MAPK6: variants seen among roughly 807,000 people sequenced by gnomAD.
MAPK6 encodes ERK-3.
Under a neutral mutation model 59.3 loss-of-function variants are expected in MAPK6, and 19 were observed. The observed-to-expected ratio is 0.32, with a 90% confidence interval of 0.22 to 0.47. MAPK6 has a LOEUF of 0.47. Ranked by LOEUF, MAPK6 falls within the 20% of genes least tolerant of loss-of-function variation. The pLI is 1.00. For missense variants in MAPK6, 724 were observed against 847.9 expected (o/e 0.85, Z 1.81); for synonymous variants, 316 against 290.3 (o/e 1.09, Z -0.90).
At chr15:51,992,290 T>G (rs1365065037) in intron 2 of MAPK6, among the ~76,000 whole-genome samples, 1 of 88,994 alleles carries the variant, frequency 1.1e-5, no homozygotes, top group Non-Finnish European at 2.2e-5. Flanking sequence ...TATCTATCTA[T>G]CTATATATAT....
intron 3 of MAPK6, among the ~76,000 whole-genome samples, chr15:52,009,820 T>C (rs1263852565): frequency 2.0e-5 from 3 of 152,188 alleles, no homozygotes; most frequent in African/African-American, 7.2e-5. Flanking sequence ...TCGCCCAGGC[T>C]AGAGTGCAGT....
chr15:52,027,027 G>A (rs1402236678), intron 1 of MAPK6, among the ~76,000 whole-genome samples: 5 of 149,658 alleles, frequency 3.3e-5, no homozygotes, highest in East Asian at 2.0e-4. Flanking sequence ...TCCAGCCTGG[G>A]CGACAGAGCA....
At position 52,025,529 on chromosome 15, in the gene MAPK6, G is replaced by A. The variant is rs567091735; in HGVS notation, c.-632+6153G>A. On this transcript the variant is annotated intron_variant, in intron 1 of 5. Coordinates refer to ENST00000261845, the MANE Select transcript of MAPK6 (RefSeq NM_002748.4). Reference sequence around the variant, plus strand: ...TTCCTTTAAATAGTTGGGGCTGGGCGCCGTGGCTCACGCCTGTAATGCCAG... The same window carrying A: ...TTCCTTTAAATAGTTGGGGCTGGGCACCGTGGCTCACGCCTGTAATGCCAG... Among the ~76,000 whole-genome samples, 6 of 152,330 alleles carry A rather than the reference G, an allele frequency of 3.9e-5. No homozygotes were observed. In the East Asian group the frequency reaches 9.6e-4, roughly 24 times the overall value.
intron 1 of MAPK6, among the ~76,000 whole-genome samples, chr15:52,043,659 G>GA (rs1432093384): frequency 1.4e-5 from 2 of 145,088 alleles, no homozygotes; most frequent in Non-Finnish European, 3.0e-5. Flanking sequence ...TAACAACATT[G>GA]AAAATCCACT....
intron 2 of MAPK6, among the ~76,000 whole-genome samples, chr15:52,000,764 C>T (rs570852638): frequency 6.6e-6 from 1 of 151,652 alleles, no homozygotes; most frequent in South Asian, 2.1e-4. Context: ...CACGCCACTG[C>T]ACTCCAGCTT....
chr15:51,974,988 A>T (rs2057153307), intron 1 of MAPK6, among the ~76,000 whole-genome samples: 1 of 151,432 alleles, frequency 6.6e-6, no homozygotes, highest in African/African-American at 2.4e-5. Flanking sequence ...AAATGCTGGG[A>T]TTACTGGCGT....
rs151022610 is a variant in MAPK6 at position 52,037,642 on chromosome 15, T to G, written c.-631-8188T>G. 2.6e-5 allele frequency among the ~76,000 whole-genome samples: 4 copies of G among 152,278 alleles called. No homozygotes were observed. The South Asian group carries it at 8.3e-4, about 32-fold the overall frequency. On this transcript the variant is annotated intron_variant, in intron 1 of 5. Coordinates refer to ENST00000261845, the MANE Select transcript of MAPK6 (RefSeq NM_002748.4). ...GGGTTGAAACCAGCTGCCTTCTTCA[T>G]GTTGTTGGCAGACCTGTGCATTCGC...
At chr15:52,059,466 T>C (rs11070879) in intron 4 of MAPK6, among the ~76,000 whole-genome samples, 2 of 151,838 alleles carry the variant, frequency 1.3e-5, no homozygotes, top group African/African-American at 4.8e-5. Context: ...TAATTCTGAA[T>C]TGGGAGGTGG....
chr15:52,026,812 G>A (rs1437930873), intron 1 of MAPK6, among the ~76,000 whole-genome samples: 1 of 151,822 alleles, frequency 6.6e-6, no homozygotes, highest in Admixed American at 6.6e-5. Context: ...AGCACTTTGG[G>A]AGGCCGAGGC....
At chr15:52,058,404 A>G (rs747335523) in intron 3 of MAPK6, among the ~76,000 whole-genome samples, 1 of 151,596 alleles carries the variant, frequency 6.6e-6, no homozygotes, top group Non-Finnish European at 1.5e-5. Context: ...ACCAAACTTA[A>G]AGAGTCAGTT....
At chr15:52,042,266 C>T (rs981459108) in intron 1 of MAPK6, among the ~76,000 whole-genome samples, 23 of 152,138 alleles carry the variant, frequency 1.5e-4, no homozygotes, top group African/African-American at 5.6e-4. Flanking sequence ...TCTTTTTCTC[C>T]CCCAGATGTT....
At chr15:52,055,457 C>T (rs2031940476) in intron 3 of MAPK6, among the ~76,000 whole-genome samples, 1 of 152,150 alleles carries the variant, frequency 6.6e-6, no homozygotes, top group Non-Finnish European at 1.5e-5. Context: ...TGGTCATGCT[C>T]CAAGTCATAG....
chr15:52,014,583 T>C (rs2030179168), upstream of MAPK6, among the ~76,000 whole-genome samples: 1 of 151,830 alleles, frequency 6.6e-6, no homozygotes. Flanking sequence ...GGTGCATGCC[T>C]GTAGTCCTAG....
At chr15:51,982,926 G>C (rs531671760) in intron 1 of MAPK6, among the ~76,000 whole-genome samples, 1 of 152,246 alleles carries the variant, frequency 6.6e-6, no homozygotes, top group East Asian at 1.9e-4. Flanking sequence ...GAAATGACAG[G>C]CAGGATTAAT....
chr15:51,985,022 T>C (rs752221793), intron 2 of MAPK6, among the ~76,000 whole-genome samples: 3 of 152,220 alleles, frequency 2.0e-5, no homozygotes, highest in Non-Finnish European at 4.4e-5. Context: ...TTTAAAAGAC[T>C]GTTCAAAGTC....
intron 1 of MAPK6, among the ~76,000 whole-genome samples, chr15:51,973,182 A>G (rs1325474230): frequency 6.6e-6 from 1 of 151,928 alleles, no homozygotes; most frequent in African/African-American, 2.4e-5. Flanking sequence ...GGGACTGGGT[A>G]TGTAATCATC....
intron 1 of MAPK6, chr15:52,024,743 A>C (rs1018711165): frequency 6.6e-6 from 1 of 152,122 alleles, no homozygotes; most frequent in Non-Finnish European, 1.5e-5. Context: ...TAAGAGGCAC[A>C]ATCTTGCCCT....
upstream of MAPK6, among the ~76,000 whole-genome samples, chr15:52,015,963 G>C (rs1385506690): frequency 1.3e-5 from 2 of 148,242 alleles, no homozygotes; most frequent in Non-Finnish European, 3.0e-5. Flanking sequence ...GGCTGAGACA[G>C]GAGAATACCT....
At chr15:52,027,725 A>ACTCTG (rs986825756) in intron 1 of MAPK6, 2 of 146,548 alleles carry the variant, frequency 1.4e-5, no homozygotes, top group Admixed American at 6.8e-5. Flanking sequence ...GGCATGAGCC[A>ACTCTG]CTCTGCTCAG....
Sources: gnomAD v4.1 joint callset for allele counts (sites outside exome capture counted in the v4.1 genomes callset) on GRCh38, gnomAD v4.1.1 for gene constraint, MANE v1.5 for transcripts, NCBI Gene and HGNC (gene_info 2026-07-23, HGNC 2026-07-21) for gene names.